Variants in MTUS1 observed in about 807,000 individuals in gnomAD.
MTUS1 encodes microtubule-associated tumor suppressor 1.
In MTUS1, 109 loss-of-function variants were observed where a neutral mutation model predicts 120.8. The observed-to-expected ratio is 0.90, with a 90% CI of 0.77 to 1.06. The LOEUF (loss-of-function observed/expected upper bound fraction) is 1.06. Among genes scored for constraint, MTUS1 ranks in the 50% least tolerant of loss-of-function variants. The pLI, the probability that MTUS1 is intolerant of heterozygous loss-of-function variation, is 0.00. For missense variants in MTUS1, 2,210 were observed against 1,486.3 expected (o/e 1.49, Z -8.01); for synonymous variants, 737 against 550.5 (o/e 1.34, Z -4.74).
intron 3 of MTUS1, among the ~76,000 whole-genome samples, chr8:17,736,701 C>G (rs2046958105): frequency 6.6e-6 from 1 of 152,120 alleles, no homozygotes; most frequent in South Asian, 2.1e-4. Context: ...TCTCCTGCCT[C>G]AGCCTCCCAA....
intron 6 of MTUS1, among the ~76,000 whole-genome samples, chr8:17,684,935 A>G (rs1273752930): frequency 6.6e-6 from 1 of 152,184 alleles, no homozygotes; most frequent in Non-Finnish European, 1.5e-5. Flanking sequence ...GGAACACACA[A>G]ATCACTGGAC....
At chr8:17,743,297 C>G (rs2047477025) in intron 3 of MTUS1, among the ~76,000 whole-genome samples, 3 of 152,134 alleles carry the variant, frequency 2.0e-5, no homozygotes, top group African/African-American at 7.2e-5. Flanking sequence ...AAGCACTTAA[C>G]CATTTGAAAA....
In MTUS1 at chr8:17,753,863, C is replaced by G. The variant is rs2048375055; in HGVS notation, c.1945G>C (p.Glu649Gln). Residue 649 changes from glutamate (E) to glutamine (Q), a missense_variant, in exon 2 of 15, where the codon GAA (glutamate) becomes CAA (glutamine). Coordinates refer to ENST00000693296, the MANE Select transcript of MTUS1 (RefSeq NM_001363059.2). Reference sequence around the variant, plus strand: ...GGAACATAGGTCATTTCCAAACATTCTGCACTTTCCATTTTAACAGGGAGT... The same window carrying G: ...GGAACATAGGTCATTTCCAAACATTGTGCACTTTCCATTTTAACAGGGAGT... The part of the protein sequence containing the change: ...GILPVKMESA[E>Q]CLEMTYVPNI... 1 of 1,614,144 alleles carries G rather than the reference C, an allele frequency of 6.2e-7. No homozygotes were observed. Among genetic ancestry groups the G allele is most frequent in the Non-Finnish European group, 8.5e-7 (1 of 1,180,024 alleles).
chr8:17,798,435 C>T (rs956519656), intron 1 of MTUS1, among the ~76,000 whole-genome samples: 2 of 151,900 alleles, frequency 1.3e-5, no homozygotes, highest in African/African-American at 2.4e-5. Flanking sequence ...CGGGTTCAAG[C>T]GCTTCTCCTG....
chr8:17,675,730 A>G (rs533939442), intron 7 of MTUS1, among the ~76,000 whole-genome samples: 12 of 152,354 alleles, frequency 7.9e-5, no homozygotes, highest in Admixed American at 7.8e-4. Context: ...AAGAAAGACA[A>G]AAAGTTTGTT....
chr8:17,689,068 G>A (rs1290511502), intron 6 of MTUS1, among the ~76,000 whole-genome samples: 2 of 152,096 alleles, frequency 1.3e-5, no homozygotes, highest in African/African-American at 2.4e-5. Flanking sequence ...AAAGTTAGCT[G>A]GGTGTGGTGG....
chr8:17,664,336 A>G (rs889096939), intron 8 of MTUS1, among the ~76,000 whole-genome samples: 7 of 152,210 alleles, frequency 4.6e-5, no homozygotes, highest in African/African-American at 1.2e-4. Flanking sequence ...GCGCCACATA[A>G]GAGAATACCA....
At chr8:17,706,587 G>A (rs1001412078) in intron 6 of MTUS1, among the ~76,000 whole-genome samples, 3 of 152,070 alleles carry the variant, frequency 2.0e-5, no homozygotes, top group Non-Finnish European at 4.4e-5. Flanking sequence ...TGTCAACCAC[G>A]GTATAAAATG....
intron 1 of MTUS1, among the ~76,000 whole-genome samples, chr8:17,779,876 C>T (rs993737051): frequency 1.1e-4 from 17 of 152,224 alleles, no homozygotes; most frequent in African/African-American, 3.9e-4. Flanking sequence ...ATACTCATCT[C>T]TAGCACTGAT....
At chr8:17,697,187 T>C in intron 6 of MTUS1, 1 of 1,502,528 alleles carries the variant, frequency 6.7e-7, no homozygotes, top group Non-Finnish European at 9.0e-7. Context: ...GAAAAACCTC[T>C]GATAAACATC....
intron 1 of MTUS1, among the ~76,000 whole-genome samples, chr8:17,776,611 G>A (rs1215198111): frequency 1.3e-5 from 2 of 149,330 alleles, no homozygotes. Flanking sequence ...CTCGGGAGGT[G>A]GAGGTTGTAG....
intron 6 of MTUS1, among the ~76,000 whole-genome samples, chr8:17,699,232 T>G (rs1818553098): frequency 6.6e-6 from 1 of 152,214 alleles, no homozygotes; most frequent in Non-Finnish European, 1.5e-5. Flanking sequence ...TTGTTTGTTT[T>G]TTGAGATGGA....
At chr8:17,696,549 A>T (rs1818005726) in intron 6 of MTUS1, among the ~76,000 whole-genome samples, 1 of 152,228 alleles carries the variant, frequency 6.6e-6, no homozygotes, top group African/African-American at 2.4e-5. Flanking sequence ...ATCATCTAGG[A>T]CAAAAGTAGC....
chr8:17,670,710 C>G (rs1811840719), intron 8 of MTUS1, among the ~76,000 whole-genome samples: 1 of 152,066 alleles, frequency 6.6e-6, no homozygotes, highest in Non-Finnish European at 1.5e-5. Context: ...ATAATCCCAG[C>G]TATTCGGGAG....
At chr8:17,725,074 T>C (rs372494986) in intron 3 of MTUS1, among the ~76,000 whole-genome samples, 9 of 152,250 alleles carry the variant, frequency 5.9e-5, no homozygotes, top group East Asian at 5.8e-4. Flanking sequence ...CTATTTTTTA[T>C]TTTTTTCCAG....
At chr8:17,742,281 TGTTGTTG>T (rs376271959) in intron 3 of MTUS1, among the ~76,000 whole-genome samples, 16,576 of 115,178 alleles carry the variant, frequency 0.14, 1,604 homozygotes, top group African/African-American at 0.21. Flanking sequence ...TTTTTTTTTT[TGTTGTTG>T]TTGTTTTTTT....
rs746510498 is a variant in MTUS1, at chr8:17,675,175, A to G, written c.2905+11T>C. The G allele has an allele frequency of 2.5e-6, 4 of 1,613,890 alleles. No homozygotes were observed. The highest frequency in any genetic ancestry group is 2.2e-5 in the South Asian group (2 of 91,032). On this transcript the variant is annotated intron_variant, in intron 8 of 14. Coordinates refer to ENST00000693296, the MANE Select transcript of MTUS1 (RefSeq NM_001363059.2). ...CCATAAAATTTAACAACAACAACAAAAAGCTCTTACCTAGCTCTCCCCGGA... is the reference window on the plus strand; with the variant it reads ...CCATAAAATTTAACAACAACAACAAGAAGCTCTTACCTAGCTCTCCCCGGA...
intron 3 of MTUS1, among the ~76,000 whole-genome samples, chr8:17,728,884 G>T (rs1230711175): frequency 2.0e-5 from 3 of 152,146 alleles, no homozygotes; most frequent in African/African-American, 4.8e-5. Flanking sequence ...CAGGGAAAAA[G>T]ATAGGAAGCT....
intron 3 of MTUS1, among the ~76,000 whole-genome samples, chr8:17,725,060 AG>A (rs2046124734): frequency 6.6e-6 from 1 of 151,950 alleles, no homozygotes. Flanking sequence ...CCAGCCATAT[AG>A]CCCTATTTTT....
Sources: gnomAD v4.1 joint callset for allele counts (sites outside exome capture counted in the v4.1 genomes callset) on GRCh38, gnomAD v4.1.1 for gene constraint, MANE v1.5 for transcripts, NCBI Gene and HGNC (gene_info 2026-07-23, HGNC 2026-07-21) for gene names.